The following LOXHD1 variants were observed in gnomAD, a reference collection of about 807,000 sequenced individuals.
LOXHD1 encodes the protein lipoxygenase homology domain-containing protein 1.
In LOXHD1, 205 loss-of-function variants were observed where a neutral mutation model predicts 248.2. The observed-to-expected ratio is 0.83, with a 90% confidence interval of 0.74 to 0.93. The LOEUF (loss-of-function observed/expected upper bound fraction) is 0.93. Ranked by LOEUF, LOXHD1 falls within the 40% of genes least tolerant of loss-of-function variation. The probability of loss-of-function intolerance (pLI) is 0.00; values close to 1 mark genes in which losing one functional copy is unlikely to be tolerated. For synonymous variants in LOXHD1, 1,113 were observed against 1,162.8 expected (o/e 0.96, Z 0.87); for missense variants, 2,930 against 2,971.6 (o/e 0.99, Z 0.33).
intron 4 of LOXHD1, among the ~76,000 whole-genome samples, chr18:46,621,466 A>G (rs1346988791): frequency 6.6e-6 from 1 of 152,220 alleles, no homozygotes; most frequent in Non-Finnish European, 1.5e-5. Flanking sequence ...CCGATGAGAG[A>G]ACAAGGCTGA....
chr18:46,533,115 G>A (rs928656169), intron 28 of LOXHD1, 47 bp downstream of exon 28: 2 of 1,546,996 alleles, frequency 1.3e-6, no homozygotes, highest in African/African-American at 2.7e-5. Flanking sequence ...GAGGACCAGG[G>A]TCCTGGAGCC....
intron 37 of LOXHD1, among the ~76,000 whole-genome samples, chr18:46,491,268 A>C (rs1267145886): frequency 6.6e-6 from 1 of 152,218 alleles, no homozygotes; most frequent in Non-Finnish European, 1.5e-5. Context: ...ATCATTAGTC[A>C]TTAAGGCTCT....
In LOXHD1 at chr18:46,600,546, T is replaced by G. The variant is rs1332243481; in HGVS notation, c.1134+671A>C. Among the ~76,000 whole-genome samples the G allele has an allele frequency of 2.1e-5, 3 of 145,900 alleles. No homozygotes were observed. The Admixed American group carries it at 2.1e-4, about 10-fold the overall frequency. On this transcript the variant is annotated intron_variant, in intron 8 of 40. Transcript: ENST00000642948. The stretch of plus-strand genomic sequence containing the variant: ...CTGGGAGGTGGAGGTTGCAGTGAGC[T>G]GAGATCGTGCCATTGCACTCCAGCC...
At chr18:46,582,390 G>A (rs1286365118) in intron 12 of LOXHD1, among the ~76,000 whole-genome samples, 26 of 150,052 alleles carry the variant, frequency 1.7e-4, no homozygotes, top group Admixed American at 1.7e-3. Flanking sequence ...TAATTTTCTG[G>A]GCAACCACTA....
At chr18:46,654,012 G>A (rs969942321) in intron 1 of LOXHD1, among the ~76,000 whole-genome samples, 1 of 152,138 alleles carries the variant, frequency 6.6e-6, no homozygotes, top group Non-Finnish European at 1.5e-5. Flanking sequence ...CAAAATTCAG[G>A]TGTTGCCATT....
rs1426715448 is a variant in LOXHD1 at position 46,485,590 on chromosome 18, G to C, written c.6050-439C>G. On this transcript the variant is annotated intron_variant, in intron 38 of 40. Coordinates refer to ENST00000642948, the MANE Select transcript of LOXHD1 (RefSeq NM_001384474.1). ...GCAGTCTCACTTGCATCTTGTCTTG[G>C]TGTCACTCCATCTCACCCTGCTATT... is the stretch of plus-strand genomic sequence containing the variant. Among the ~76,000 whole-genome samples the C allele has an allele frequency of 2.6e-5, 4 of 152,214 alleles. No homozygotes were observed. In the East Asian group the frequency reaches 7.7e-4, roughly 29 times the overall value.
chr18:46,559,369 C>T, intron 20 of LOXHD1, 79 bp downstream of exon 20: 1 of 1,550,238 alleles, frequency 6.5e-7, no homozygotes, highest in Non-Finnish European at 8.7e-7. Context: ...AGCCATTGTG[C>T]TGCGATGGGC....
intron 21 of LOXHD1, among the ~76,000 whole-genome samples, chr18:46,548,182 C>A (rs568107684): frequency 4.1e-5 from 6 of 145,562 alleles, no homozygotes; most frequent in Admixed American, 2.7e-4. Flanking sequence ...GCTAAGCTCC[C>A]AGAATAACAC....
Position 46,522,162 on chromosome 18 carries a change from C to A in LOXHD1, c.5024G>T (p.Arg1675Leu). 6.4e-7 allele frequency: 1 copy of A among 1,551,712 alleles called. No individual in the cohort carries two copies. The highest frequency in any genetic ancestry group is 8.7e-7 in the Non-Finnish European group (1 of 1,147,002). Residue 1675 changes from arginine to leucine, a missense_variant, in exon 32 of 41, where the codon CGT becomes CTT. Physicochemically the swap from Arg to Leu is moderately radical, Grantham distance 102. Coordinates refer to ENST00000642948, the MANE Select transcript of LOXHD1 (RefSeq NM_001384474.1). The stretch of plus-strand genomic sequence containing the variant: ...GACGTAGAACTCCTCCACAGAGCCA[C>A]GGCTGAAGCCCCTCTTCCCTCGGGG... ...DYPRGKRGFS[R>L]GSVEEFYVAG...
At chr18:46,591,751 C>T (rs1292936458) in intron 12 of LOXHD1, among the ~76,000 whole-genome samples, 182 bp downstream of exon 12, 1 of 152,210 alleles carries the variant, frequency 6.6e-6, no homozygotes, top group African/African-American at 2.4e-5. Context: ...GCTCCGGCAT[C>T]ATGACTTGGA....
rs753209859 is a variant in LOXHD1, at chr18:46,477,515, C to T, written c.6779G>A (p.Arg2260Gln). 6.4e-6 allele frequency: 10 copies of T among 1,550,762 alleles called. No individual in the cohort carries two copies. Among genetic ancestry groups the T allele is most frequent in the East Asian group, 4.9e-5 (2 of 40,922 alleles). ...FNCGRWLDKK[R>Q]GDGLTWRDLF... Reference sequence around the variant, plus strand: ...GTCTCTCCAGGTGAGTCCATCCCCCCGCTTCTTGTCCAGCCACCTGCCACA... The same window carrying T: ...GTCTCTCCAGGTGAGTCCATCCCCCTGCTTCTTGTCCAGCCACCTGCCACA... The change falls in exon 41 of 41, where the codon CGG becomes CAG. Residue 2260 changes from arginine (R) to glutamine (Q), a missense_variant. Physicochemically the swap from Arg to Gln is conservative, Grantham distance 43. Transcript: ENST00000642948.
At chr18:46,624,003 G>A (rs983482597) in intron 4 of LOXHD1, among the ~76,000 whole-genome samples, 3 of 152,240 alleles carry the variant, frequency 2.0e-5, no homozygotes, top group African/African-American at 7.2e-5. Flanking sequence ...GAACCTCAGG[G>A]AAGCTCACGT....
rs1369487494 is a variant in LOXHD1 at position 46,545,349 on chromosome 18, A to G, written c.3587T>C (p.Phe1196Ser). ...ATCCTGTGTGCCAAAGAGTGTGATG[A>G]AGACATTAGCATCTGTGCCCGCATT... ...KKNAGTDANV[F>S]ITLFGTQDDT... Residue 1196 changes from phenylalanine to serine, a missense_variant, in exon 23 of 41, where the codon TTC becomes TCC. By Grantham distance (155) the Phe-to-Ser change is radical. Transcript: ENST00000642948. The G allele has an allele frequency of 6.4e-7, 1 of 1,551,910 alleles. No individual in the cohort carries two copies. Among genetic ancestry groups the G allele is most frequent in the Middle Eastern group, 1.7e-4 (1 of 5,994 alleles).
chr18:46,645,843 A>T (rs1326867158), intron 2 of LOXHD1, among the ~76,000 whole-genome samples: 2 of 152,148 alleles, frequency 1.3e-5, no homozygotes, highest in African/African-American at 2.4e-5. Context: ...AAGGCACAAG[A>T]ATGACAAGAA....
At chr18:46,615,018 C>A (rs897572726) in intron 5 of LOXHD1, among the ~76,000 whole-genome samples, 1 of 152,234 alleles carries the variant, frequency 6.6e-6, no homozygotes, top group African/African-American at 2.4e-5. Flanking sequence ...TGGAATTTGG[C>A]TATAGTATGT....
At chr18:46,649,090 G>T in intron 2 of LOXHD1, 65 bp downstream of exon 2, 3 of 1,366,514 alleles carry the variant, frequency 2.2e-6, no homozygotes, top group Non-Finnish European at 2.0e-6. Flanking sequence ...GCCACCCTTG[G>T]GTCCCAGAAC....
Position 46,485,089 on chromosome 18 carries a change from G to T in LOXHD1, c.6112C>A (p.Leu2038Met). Residue 2038 changes from leucine to methionine, a missense_variant, in exon 39 of 41, where the codon CTG becomes ATG. Physicochemically the swap from Leu to Met is conservative, Grantham distance 15 (BLOSUM62 2). Coordinates refer to ENST00000642948, the MANE Select transcript of LOXHD1 (RefSeq NM_001384474.1). ...TTGGATCGGTTCTTCCTGCCCTCCA[G>T]GATGAGCCAGACGTTCTCCCTGGTT... The part of the protein sequence containing the change: ...GETRENVWLI[L>M]EGRKNRSKEF... 6.4e-7 allele frequency: 1 copy of T among 1,550,498 alleles called. No individual in the cohort carries two copies. Among genetic ancestry groups the T allele is most frequent in the South Asian group, 1.2e-5 (1 of 83,910 alleles).
chr18:46,656,911 C>G lies in LOXHD1; in HGVS notation c.123G>C (p.Lys41Asn). 1 of 1,551,566 alleles carries G rather than the reference C, an allele frequency of 6.4e-7. No homozygotes were observed. Among genetic ancestry groups the G allele is most frequent in the Non-Finnish European group, 8.7e-7 (1 of 1,146,906 alleles). The change falls in exon 1 of 41, where the codon AAG becomes AAC. Residue 41 changes from lysine to asparagine, a missense_variant. By Grantham distance (94) the Lys-to-Asn change is moderately conservative. Transcript: ENST00000642948. The part of the protein sequence containing the change: ...DEGELEHEYY[K>N]ARVYEVVTAT... ...CAGGCTGGGACCCCGCACCTCTGGC[C>G]TTGTAGTACTCGTGTTCCAGCTCCC... is the stretch of plus-strand genomic sequence containing the variant.
At position 46,563,118 on chromosome 18, in the gene LOXHD1, A is replaced by G; in HGVS notation, c.2545T>C (p.Phe849Leu). ...YGEKGKTEVL[F>L]LSSRSKVFER... is the part of the protein sequence containing the mutation. ...AAAACTTTTGAGCGGCTGGAGAGGAAGAGCACTTCTGTCTTGCCTTTCTCT... is the reference window on the plus strand; with the variant it reads ...AAAACTTTTGAGCGGCTGGAGAGGAGGAGCACTTCTGTCTTGCCTTTCTCT... Residue 849 changes from phenylalanine (F) to leucine (L), a missense_variant, in exon 18 of 41, where the codon TTC becomes CTC. Transcript: ENST00000642948. The G allele has an allele frequency of 6.5e-7, 1 of 1,546,646 alleles. No individual in the cohort carries two copies. The highest frequency in any genetic ancestry group is 8.8e-7 in the Non-Finnish European group (1 of 1,142,684).
Sources: allele counts gnomAD v4.1 joint callset (sites outside exome capture counted in the v4.1 genomes callset), GRCh38; gene constraint gnomAD v4.1.1; transcripts MANE v1.5; gene names NCBI Gene and HGNC (gene_info 2026-07-23, HGNC 2026-07-21).